TRMT11: variants seen among roughly 807,000 people sequenced by gnomAD.
The protein encoded by TRMT11 is tRNA (guanine(10)-N(2))-methyltransferase TRMT11.
TRMT11 carries 53 observed loss-of-function variants against 62.8 expected under a neutral mutation model. The ratio of observed to expected loss-of-function variants is 0.84; its 90% CI spans 0.68 to 1.06. TRMT11 has a LOEUF of 1.06. Ranked by LOEUF, TRMT11 falls within the 50% of genes least tolerant of loss-of-function variation. The probability of loss-of-function intolerance (pLI) is 0.00; values close to 1 mark genes in which losing one functional copy is unlikely to be tolerated. For synonymous variants in TRMT11, 188 were observed against 190.3 expected (o/e 0.99, Z 0.10); for missense variants, 556 against 553.4 (o/e 1.00, Z -0.05).
At chr6:126,244,014 G>T in the TRMT11 span, among the ~76,000 whole-genome samples, 1 of 152,044 alleles carries the variant, frequency 6.6e-6, no homozygotes, top group Non-Finnish European at 1.5e-5. Context: ...CACTTTCTAC[G>T]TGAGTTTCTG....
intron 21 of TRMT11, among the ~76,000 whole-genome samples, chr6:126,145,400 G>A (rs1777962447): frequency 6.6e-6 from 1 of 152,172 alleles, no homozygotes. Flanking sequence ...AAGAACGACA[G>A]AGAACGCTGG....
At chr6:126,045,500 G>A (rs796760595) in intron 16 of TRMT11, among the ~76,000 whole-genome samples, 1 of 152,138 alleles carries the variant, frequency 6.6e-6, no homozygotes, top group Non-Finnish European at 1.5e-5. Context: ...ATGATACATG[G>A]TCCTCAACTT....
intron 1 of TRMT11, among the ~76,000 whole-genome samples, chr6:126,185,738 A>G (rs1778519447): frequency 6.6e-6 from 1 of 152,176 alleles, no homozygotes; most frequent in Non-Finnish European, 1.5e-5. Context: ...TTTATAAAGA[A>G]GAGAGGTTTA....
At chr6:126,232,361 A>G in the TRMT11 span, among the ~76,000 whole-genome samples, 11 of 152,150 alleles carry the variant, frequency 7.2e-5, no homozygotes, top group Non-Finnish European at 1.3e-4. Context: ...CCCAAACTCT[A>G]TGAAAGATTT....
rs1191833800 is a variant in TRMT11, at chr6:126,021,185, C to T, written c.1165C>T (p.His389Tyr). 4.3e-6 allele frequency: 7 copies of T among 1,614,034 alleles called. No individual in the cohort carries two copies. Among genetic ancestry groups the T allele is most frequent in the African/African-American group, 1.3e-5 (1 of 74,940 alleles). ...ATACACTGAAGAGATGGTGCCTTGGCACCCTTGCCTGGAACTCGTTAGCAA... is the reference window on the plus strand; with the variant it reads ...ATACACTGAAGAGATGGTGCCTTGGTACCCTTGCCTGGAACTCGTTAGCAA... ...PEYTEEMVPW[H>Y]PCLELVSNCE... Residue 389 changes from histidine (H) to tyrosine (Y), a missense_variant, in exon 12 of 13, where the codon CAC (histidine) becomes TAC (tyrosine). Physicochemically the swap from His to Tyr is moderately conservative, Grantham distance 83 (BLOSUM62 2). Coordinates refer to ENST00000334379, the MANE Select transcript of TRMT11 (RefSeq NM_001031712.3).
intron 8 of TRMT11, among the ~76,000 whole-genome samples, chr6:126,009,111 A>G (rs1028744941): frequency 3.3e-5 from 5 of 151,964 alleles, no homozygotes; most frequent in Non-Finnish European, 7.4e-5. Context: ...ATAAATATAC[A>G]TGATAATGAA....
intron 17 of TRMT11, among the ~76,000 whole-genome samples, chr6:126,106,000 C>T (rs772606915): frequency 6.6e-6 from 1 of 152,174 alleles, no homozygotes; most frequent in Non-Finnish European, 1.5e-5. Context: ...GCCAGACCCA[C>T]GGAAGGTGCT....
At chr6:126,187,069 A>G (rs1778535968) in intron 1 of TRMT11, among the ~76,000 whole-genome samples, 1 of 152,100 alleles carries the variant, frequency 6.6e-6, no homozygotes, top group Non-Finnish European at 1.5e-5. Context: ...ATAGGGAAGG[A>G]TGCCCATTGT....
Position 126,045,217 on chromosome 6 carries a change from G to T in TRMT11, c.*1369+4372G>T, listed in dbSNP as rs970811110. Among the ~76,000 whole-genome samples, 6 of 151,826 alleles carry T rather than the reference G, an allele frequency of 4.0e-5. 2 individuals carry two copies. In the South Asian group the frequency reaches 6.2e-4, roughly 16 times the overall value. On this transcript the variant is annotated intron_variant and NMD_transcript_variant, in intron 16 of 22. Transcript: ENST00000648977. The stretch of plus-strand genomic sequence containing the variant: ...AAAAAAAAAAATTGCAGATTGTCAT[G>T]CCCTGCTTACTGTACAATAAGTAAT...
the TRMT11 span, among the ~76,000 whole-genome samples, chr6:126,271,768 T>A: frequency 6.6e-6 from 1 of 152,134 alleles, no homozygotes; most frequent in Non-Finnish European, 1.5e-5. Flanking sequence ...AAGGTCATAA[T>A]TTTATTTAAA....
intron 16 of TRMT11, among the ~76,000 whole-genome samples, chr6:126,051,838 G>A (rs1933058719): frequency 6.6e-6 from 1 of 152,152 alleles, no homozygotes; most frequent in African/African-American, 2.4e-5. Context: ...GCAGGCTTTT[G>A]AGTATCCAAG....
intron 8 of TRMT11, 109 bp downstream of exon 8, chr6:126,008,581 T>G (rs931578958): frequency 2.2e-6 from 2 of 917,188 alleles, no homozygotes; most frequent in African/African-American, 3.2e-5. Flanking sequence ...ACAGGTCCAC[T>G]TATACTCAGA....
intron 1 of TRMT11, among the ~76,000 whole-genome samples, chr6:126,189,334 A>G (rs1158324328): frequency 6.6e-6 from 1 of 152,144 alleles, no homozygotes; most frequent in African/African-American, 2.4e-5. Context: ...TATTCACTAA[A>G]TTGCAGCTCA....
At chr6:126,246,010 A>G in the TRMT11 span, among the ~76,000 whole-genome samples, 66 of 152,322 alleles carry the variant, frequency 4.3e-4, 2 homozygotes, top group South Asian at 4.8e-3. Context: ...ACTGTGGCTT[A>G]TGCCTGTAAT....
intron 21 of TRMT11, among the ~76,000 whole-genome samples, chr6:126,152,852 C>G (rs1459655396): frequency 2.0e-5 from 3 of 152,094 alleles, no homozygotes; most frequent in African/African-American, 7.2e-5. Context: ...ACTGCTGTTG[C>G]AATTCAAGTC....
At chr6:126,166,261 A>G (rs767594204) in intron 21 of TRMT11, among the ~76,000 whole-genome samples, 5 of 152,130 alleles carry the variant, frequency 3.3e-5, no homozygotes, top group Middle Eastern at 3.4e-3. Context: ...TTTTTAATTC[A>G]TCTTCATGGC....
chr6:126,234,088 A>G, the TRMT11 span, among the ~76,000 whole-genome samples: 1 of 152,326 alleles, frequency 6.6e-6, no homozygotes, highest in East Asian at 1.9e-4. Flanking sequence ...CTTCTTCCAT[A>G]TATAGTCAAA....
At chr6:126,173,890 C>T (rs1778356801), upstream of TRMT11, among the ~76,000 whole-genome samples, 1 of 152,144 alleles carries the variant, frequency 6.6e-6, no homozygotes, top group Admixed American at 6.6e-5. Flanking sequence ...TTCTCTGCCC[C>T]AGGAGAATGT....
At chr6:126,217,824 T>A in the TRMT11 span, among the ~76,000 whole-genome samples, 6 of 152,128 alleles carry the variant, frequency 3.9e-5, no homozygotes, top group Admixed American at 1.3e-4. Context: ...GTTTGTGTCC[T>A]TCCTTTCAGG....
Sources: allele counts gnomAD v4.1 joint callset (sites outside exome capture counted in the v4.1 genomes callset), GRCh38; gene constraint gnomAD v4.1.1; transcripts MANE v1.5; gene names NCBI Gene and HGNC (gene_info 2026-07-23, HGNC 2026-07-21).